Variants in GLG1 observed in about 807,000 individuals in gnomAD.
GLG1 encodes golgi glycoprotein 1, also known as Golgi apparatus protein 1.
Under a neutral mutation model 160.5 loss-of-function variants are expected in GLG1, and 38 were observed. That is an observed-to-expected ratio of 0.24 (90% confidence interval 0.18 to 0.31). The LOEUF (loss-of-function observed/expected upper bound fraction) is 0.31, where lower values mean the gene tolerates loss of function less well. Ranked by LOEUF, GLG1 falls within the 10% of genes least tolerant of loss-of-function variation. GLG1 has a pLI of 1.00. For missense variants in GLG1, 1,373 were observed against 1,505.2 expected, an observed-to-expected ratio of 0.91 and a Z score of 1.45; for synonymous variants, 644 against 543.4, an observed-to-expected ratio of 1.19 and a Z score of -2.57.
intron 1 of GLG1, among the ~76,000 whole-genome samples, chr16:74,567,274 G>A (rs1360356751): frequency 6.6e-6 from 1 of 151,938 alleles, no homozygotes; most frequent in East Asian, 1.9e-4. Context: ...TTTGTTGGTA[G>A]GAGGAACAGA....
intron 1 of GLG1, among the ~76,000 whole-genome samples, chr16:74,537,156 T>C (rs558505385): frequency 1.1e-4 from 17 of 152,268 alleles, no homozygotes; most frequent in African/African-American, 4.1e-4. Flanking sequence ...AGTAAACTAT[T>C]ATAAACAGAA....
intron 1 of GLG1, among the ~76,000 whole-genome samples, chr16:74,592,798 T>C (rs1958214620): frequency 6.6e-6 from 1 of 152,162 alleles, no homozygotes; most frequent in Admixed American, 6.6e-5. Flanking sequence ...TTTTATTTCA[T>C]ATATAATAGG....
intron 12 of GLG1, among the ~76,000 whole-genome samples, chr16:74,476,325 G>C (rs1205359955): frequency 6.6e-6 from 1 of 152,288 alleles, no homozygotes; most frequent in Non-Finnish European, 1.5e-5. Flanking sequence ...TGTTTCATTG[G>C]ACAGAGGCAA....
At chr16:74,554,929 T>C (rs1012974724) in intron 1 of GLG1, among the ~76,000 whole-genome samples, 3 of 152,120 alleles carry the variant, frequency 2.0e-5, no homozygotes, top group East Asian at 1.9e-4. Context: ...GGTGTGAGGA[T>C]TGCCAGAACC....
intron 13 of GLG1, among the ~76,000 whole-genome samples, chr16:74,473,438 T>TC (rs71963332): frequency 5.8e-4 from 1 of 1,720 alleles, no homozygotes; most frequent in Non-Finnish European, 3.5e-3. Flanking sequence ...GGTCTTGACC[T>TC]TTTTTTTTTT....
At chr16:74,485,974 G>C in intron 8 of GLG1, 57 bp from the exon 9 acceptor site, 1 of 1,417,604 alleles carries the variant, frequency 7.1e-7, no homozygotes, top group Non-Finnish European at 9.9e-7. Context: ...CTAGGTAAGA[G>C]CAGTGTCTTC....
chr16:74,452,404 C>A lies in GLG1; in HGVS notation c.*763G>T. On this transcript the variant is annotated 3_prime_UTR_variant, in exon 26 of 26. Coordinates refer to ENST00000422840, the MANE Select transcript of GLG1 (RefSeq NM_001145667.2). Reference sequence around the variant, plus strand: ...ATGGACTGTTCAACTTCACAAACTTCCGGTCCCTTCCCCTCCCCAGCTGCC... The same window carrying A: ...ATGGACTGTTCAACTTCACAAACTTACGGTCCCTTCCCCTCCCCAGCTGCC... 8.3e-7 allele frequency: 1 copy of A among 1,204,144 alleles called. No homozygotes were observed. The highest frequency in any genetic ancestry group is 1.0e-6 in the Non-Finnish European group (1 of 960,210). 74.6% of individuals were successfully genotyped at this position (1,204,144 alleles called of 1,614,324 possible).
intron 16 of GLG1, 163 bp downstream of exon 16, chr16:74,469,822 C>A (rs957886839): frequency 1.6e-6 from 1 of 620,028 alleles, no homozygotes; most frequent in Non-Finnish European, 2.9e-6. Context: ...ATGCTCTGTC[C>A]AGACAGTCCG....
intron 13 of GLG1, 54 bp downstream of exon 13, chr16:74,474,492 G>C: frequency 1.2e-6 from 1 of 856,110 alleles, no homozygotes; most frequent in East Asian, 2.4e-5. Flanking sequence ...AAACACAAAA[G>C]GCCAGGATGC....
At chr16:74,456,793 T>C (rs772035750) in intron 24 of GLG1, 38 bp from the exon 25 acceptor site, 5 of 1,223,950 alleles carry the variant, frequency 4.1e-6, no homozygotes, top group Non-Finnish European at 6.1e-6. Flanking sequence ...AACCTGAAAC[T>C]GTACAGAATA....
At chr16:74,550,392 A>G (rs1198297284) in intron 1 of GLG1, among the ~76,000 whole-genome samples, 2 of 151,966 alleles carry the variant, frequency 1.3e-5, no homozygotes, top group African/African-American at 4.8e-5. Context: ...TTGGCTTACA[A>G]AGATAAGCAT....
chr16:74,502,090 C>T (rs74409136), intron 4 of GLG1, among the ~76,000 whole-genome samples: 2,816 of 152,270 alleles, frequency 0.018, 35 homozygotes, highest in Non-Finnish European at 0.027. Context: ...CAGTGATAGA[C>T]GCCTGCCAAC....
chr16:74,454,427 G>C (rs2014444746), intron 25 of GLG1, among the ~76,000 whole-genome samples: 1 of 151,064 alleles, frequency 6.6e-6, no homozygotes, highest in South Asian at 2.1e-4. Context: ...CCAGCACTTT[G>C]GGAGGCTGAG....
Position 74,495,236 on chromosome 16 carries a change from C to G in GLG1, c.979-405G>C, listed in dbSNP as rs537695118. 8.6e-5 allele frequency among the ~76,000 whole-genome samples: 13 copies of G among 151,996 alleles called. No individual in the cohort carries two copies. In the East Asian group the frequency reaches 2.5e-3, roughly 29 times the overall value. ...TCAAGCAATTCTCCTGCCTCAGAGC[C>G]CCAAGTAGCTGGGATTACAGGCCCC... On this transcript the variant is annotated intron_variant, in intron 5 of 25. Transcript: ENST00000422840.
At chr16:74,458,225 T>G (rs539799382) in intron 23 of GLG1, 4 of 414,968 alleles carry the variant, frequency 9.6e-6, no homozygotes, top group African/African-American at 2.0e-5. Flanking sequence ...AGCAGGGGAC[T>G]GTAAGTGACT....
chr16:74,492,871 A>T, intron 7 of GLG1, 86 bp downstream of exon 7: 1 of 690,286 alleles, frequency 1.4e-6, no homozygotes, highest in Non-Finnish European at 2.1e-6. Context: ...ATATGGGAGG[A>T]AACTAACGTT....
intron 2 of GLG1, among the ~76,000 whole-genome samples, chr16:74,515,225 T>C (rs1010700546): frequency 4.6e-5 from 7 of 152,076 alleles, no homozygotes; most frequent in Admixed American, 2.0e-4. Context: ...CCATCAATAA[T>C]AGACATATCA....
At chr16:74,602,580 G>C (rs184870523) in intron 1 of GLG1, among the ~76,000 whole-genome samples, 6 of 151,918 alleles carry the variant, frequency 3.9e-5, no homozygotes, top group South Asian at 2.1e-4. Flanking sequence ...TCAGGAGTTC[G>C]AGACTAGCCT....
At chr16:74,586,185 G>T (rs1171294278) in intron 1 of GLG1, among the ~76,000 whole-genome samples, 1 of 151,968 alleles carries the variant, frequency 6.6e-6, no homozygotes, top group East Asian at 1.9e-4. Context: ...ACAAAGGCAA[G>T]GCCCTAGGAA....
Sources: gnomAD v4.1 joint callset for allele counts (sites outside exome capture counted in the v4.1 genomes callset) on GRCh38, gnomAD v4.1.1 for gene constraint, MANE v1.5 for transcripts, NCBI Gene and HGNC (gene_info 2026-07-23, HGNC 2026-07-21) for gene names.